Variants in COL22A1 observed in about 807,000 individuals in gnomAD.
COL22A1 encodes collagen type XXII alpha 1 chain.
COL22A1 carries 221 observed loss-of-function variants against 248.9 expected under a neutral mutation model. The observed-to-expected ratio is 0.89, with a 90% confidence interval of 0.80 to 0.99. The LOEUF is 0.99. COL22A1 is among the 50% of genes least tolerant of loss of function. COL22A1 has a pLI of 0.00. For missense variants in COL22A1, 2,240 were observed against 2,179.0 expected (o/e 1.03, Z -0.56); for synonymous variants, 891 against 793.4 (o/e 1.12, Z -2.07).
At chr8:138,898,937 C>CA (rs1412450852) in intron 1 of COL22A1, among the ~76,000 whole-genome samples, 11 of 152,202 alleles carry the variant, frequency 7.2e-5, no homozygotes, top group African/African-American at 2.4e-4. Context: ...AACAAAAATA[C>CA]AAAAAAACCT....
At chr8:138,723,936 C>T (rs1179329624) in intron 25 of COL22A1, among the ~76,000 whole-genome samples, 5 of 152,186 alleles carry the variant, frequency 3.3e-5, no homozygotes, top group African/African-American at 1.2e-4. Flanking sequence ...CTCACCCCTC[C>T]TCCAGCATCA....
chr8:138,658,538 T>G (rs936397616), intron 44 of COL22A1, among the ~76,000 whole-genome samples: 7 of 152,186 alleles, frequency 4.6e-5, no homozygotes, highest in African/African-American at 1.7e-4. Context: ...GTGAGTATTG[T>G]CACACACCGT....
intron 4 of COL22A1, among the ~76,000 whole-genome samples, chr8:138,839,188 A>G (rs564919007): frequency 3.0e-4 from 45 of 152,278 alleles, no homozygotes; most frequent in Admixed American, 1.6e-3. Context: ...GAAGAAGAGA[A>G]TGAAGGAATT....
rs776446118 is a variant in COL22A1, at chr8:138,594,194, G to T, written c.4438C>A (p.Leu1480Ile). ...GGCATCTGGGCCAGGAGGTAGGCGA[G>T]TCTGGCTGTAAAGTAGAAAAAGAGA... ...EELGKQLETR[L>I]AYLLAQMPPA... Residue 1480 changes from leucine (L) to isoleucine (I), a missense_variant, in exon 63 of 65, where the codon CTC becomes ATC. Leu to Ile is a conservative substitution (Grantham distance 5, BLOSUM62 2). Transcript: ENST00000303045. 3.8e-6 allele frequency: 6 copies of T among 1,570,676 alleles called. No individual in the cohort carries two copies. The highest frequency in any genetic ancestry group is 4.3e-6 in the Non-Finnish European group (5 of 1,164,248).
intron 22 of COL22A1, among the ~76,000 whole-genome samples, chr8:138,747,936 C>T (rs560462422): frequency 2.0e-5 from 3 of 152,238 alleles, no homozygotes; most frequent in South Asian, 2.1e-4. Flanking sequence ...GCCAGCAGAG[C>T]CTCAACTAGA....
chr8:138,645,785 G>C (rs1822154763), intron 47 of COL22A1, among the ~76,000 whole-genome samples: 2 of 152,200 alleles, frequency 1.3e-5, no homozygotes, highest in African/African-American at 4.8e-5. Context: ...TCTTCTACCA[G>C]ATGAGGCATG....
Position 138,895,881 on chromosome 8 carries a change from G to C in COL22A1, c.-72-12637C>G, listed in dbSNP as rs4736216. Among the ~76,000 whole-genome samples, 24 of 152,306 alleles carry C rather than the reference G, an allele frequency of 1.6e-4. No individual in the cohort carries two copies. The East Asian group carries it at 4.4e-3, about 28-fold the overall frequency. On this transcript the variant is annotated intron_variant, in intron 1 of 64. Coordinates refer to ENST00000303045, the MANE Select transcript of COL22A1 (RefSeq NM_152888.3). Reference sequence around the variant, plus strand: ...ATCATAATCAAACTTCTGAAAACCAGATAAAGACAAGTAAATATTGAAAGA... The same window carrying C: ...ATCATAATCAAACTTCTGAAAACCACATAAAGACAAGTAAATATTGAAAGA...
chr8:138,879,225 A>G (rs181060492), intron 2 of COL22A1, among the ~76,000 whole-genome samples: 2 of 152,304 alleles, frequency 1.3e-5, no homozygotes, highest in Admixed American at 6.5e-5. Flanking sequence ...TGGTTTGATC[A>G]TGCTGGTTTC....
intron 4 of COL22A1, among the ~76,000 whole-genome samples, chr8:138,839,444 T>C (rs1306040021): frequency 6.6e-6 from 1 of 152,168 alleles, no homozygotes; most frequent in Non-Finnish European, 1.5e-5. Flanking sequence ...AAATACCATC[T>C]GGTTTCTATT....
In COL22A1 at chr8:138,877,861, CCTT is replaced by C. The variant is rs1346096974; in HGVS notation, c.544_546del (p.Lys182del). 1.6e-5 allele frequency: 26 copies of C among 1,613,442 alleles called. No individual in the cohort carries two copies. The highest frequency in any genetic ancestry group is 2.0e-5 in the Non-Finnish European group (24 of 1,179,828). Reference sequence around the variant, plus strand: ...TCTGAGGCGATCTCCTCCAGCTCCTCCTTGAGTGCCTCGCCCACGCCCACGGCA... The same window carrying C: ...TCTGAGGCGATCTCCTCCAGCTCCTCGAGTGCCTCGCCCACGCCCACGGCA... On this transcript the variant is annotated inframe_deletion, in exon 3 of 65. Transcript: ENST00000303045.
At chr8:138,757,813 A>C (rs777403962) in intron 18 of COL22A1, among the ~76,000 whole-genome samples, 16 of 152,204 alleles carry the variant, frequency 1.1e-4, no homozygotes, top group Non-Finnish European at 1.5e-4. Flanking sequence ...TCCTAGAATC[A>C]ATTTCTTCCC....
At chr8:138,688,357 C>CA (rs1199189212) in intron 37 of COL22A1, among the ~76,000 whole-genome samples, 1 of 151,892 alleles carries the variant, frequency 6.6e-6, no homozygotes, top group Admixed American at 6.6e-5. Context: ...CCCGTCTCTG[C>CA]AAAAAATACA....
intron 16 of COL22A1, among the ~76,000 whole-genome samples, chr8:138,768,202 C>T (rs908622015): frequency 1.3e-5 from 2 of 152,218 alleles, no homozygotes; most frequent in Admixed American, 6.5e-5. Context: ...CCCAGCCCCC[C>T]ATGGTTCCCA....
At position 138,716,816 on chromosome 8, in the gene COL22A1, C is replaced by G. The variant is rs745750009; in HGVS notation, c.2400+9G>C. On this transcript the variant is annotated intron_variant, in intron 28 of 64. Transcript: ENST00000303045. ...TAAAATGAATGAATAAAAGCACAAA[C>G]AAACAGACCTTCTCTCCAGGTCGGC... is the stretch of plus-strand genomic sequence containing the variant. The G allele has an allele frequency of 6.2e-7, 1 of 1,603,304 alleles. No homozygotes were observed. The highest frequency in any genetic ancestry group is 8.5e-7 in the Non-Finnish European group (1 of 1,170,440).
At chr8:138,848,665 T>C (rs886287333) in intron 3 of COL22A1, among the ~76,000 whole-genome samples, 1 of 152,200 alleles carries the variant, frequency 6.6e-6, no homozygotes, top group Non-Finnish European at 1.5e-5. Flanking sequence ...GTACCCAGTG[T>C]GTGTGTCAAT....
chr8:138,596,786 C>A, intron 62 of COL22A1, 118 bp downstream of exon 62: 5 of 892,860 alleles, frequency 5.6e-6, no homozygotes, highest in Non-Finnish European at 9.1e-6. Flanking sequence ...ATAGTCTACA[C>A]TTGAGCTGCC....
intron 6 of COL22A1, among the ~76,000 whole-genome samples, chr8:138,825,525 T>C (rs1819511861): frequency 6.6e-6 from 1 of 152,342 alleles, no homozygotes; most frequent in South Asian, 2.1e-4. Flanking sequence ...CACAGAGTTA[T>C]TATGAAGACT....
chr8:138,849,559 C>T (rs1192057744), intron 3 of COL22A1, among the ~76,000 whole-genome samples: 2 of 152,202 alleles, frequency 1.3e-5, no homozygotes, highest in East Asian at 1.9e-4. Context: ...GCAGCCTCTC[C>T]AAGGGCCAGG....
At chr8:138,889,973 A>C (rs1387720016) in intron 1 of COL22A1, among the ~76,000 whole-genome samples, 2 of 152,232 alleles carry the variant, frequency 1.3e-5, no homozygotes, top group Non-Finnish European at 2.9e-5. Context: ...CATAGATGCA[A>C]AAATATTTAC....
Sources: allele counts gnomAD v4.1 joint callset (sites outside exome capture counted in the v4.1 genomes callset), GRCh38; gene constraint gnomAD v4.1.1; transcripts MANE v1.5; gene names NCBI Gene and HGNC (gene_info 2026-07-23, HGNC 2026-07-21).